Variants in ETFBKMT observed in about 807,000 individuals in gnomAD.
ETFBKMT encodes the protein electron transfer flavoprotein beta subunit lysine methyltransferase.
A neutral mutation model predicts 18.3 loss-of-function variants in ETFBKMT; 13 were observed. The observed-to-expected ratio is 0.71, with a 90% confidence interval of 0.46 to 1.13. The LOEUF (loss-of-function observed/expected upper bound fraction) is 1.13, where lower values mean the gene tolerates loss of function less well. Among genes scored for constraint, ETFBKMT ranks in the 50% most tolerant of loss-of-function variants. The pLI, the probability that ETFBKMT is intolerant of heterozygous loss-of-function variation, is 0.00. For missense variants in ETFBKMT, 293 were observed against 306.2 expected (o/e 0.96, Z 0.32); for synonymous variants, 84 against 107.9 (o/e 0.78, Z 1.37).
At chr12:31,662,356 G>C in intron 2 of ETFBKMT, 89 bp downstream of exon 2, 1 of 1,249,848 alleles carries the variant, frequency 8.0e-7, no homozygotes, top group Non-Finnish European at 1.1e-6. Context: ...AGCAATGCTA[G>C]GCGTGGTGGC....
chr12:31,670,040 CAG>C lies in ETFBKMT; in HGVS notation c.*2051_*2052del, dbSNP rs1951247888. ...CTAATTTTTGTATTTTTAGTAAAGA[CAG>C]GGCTTCGCCATGTTGGCCAGGCTGG... On this transcript the variant is annotated 3_prime_UTR_variant, in exon 4 of 4. Coordinates refer to ENST00000357721, the MANE Select transcript of ETFBKMT (RefSeq NM_001135863.2). 6.6e-6 allele frequency: 1 copy of C among 152,344 alleles called. No homozygotes were observed. The highest frequency in any genetic ancestry group is 6.6e-5 in the Admixed American group (1 of 15,260). 9.4% of individuals were successfully genotyped at this position (152,344 alleles called of 1,614,324 possible).
intron 1 of ETFBKMT, among the ~76,000 whole-genome samples, chr12:31,653,643 C>A (rs1433568523): frequency 6.6e-6 from 1 of 152,212 alleles, no homozygotes; most frequent in Non-Finnish European, 1.5e-5. Flanking sequence ...AAACTACAAA[C>A]TTCCTTCAAA....
chr12:31,666,306 C>A, intron 3 of ETFBKMT, 89 bp downstream of exon 3: 3 of 1,336,630 alleles, frequency 2.2e-6, no homozygotes, highest in South Asian at 1.4e-5. Flanking sequence ...GGTAGCTTAT[C>A]GTTATATGTA....
At chr12:31,654,329 C>A (rs1951042239), upstream of ETFBKMT, among the ~76,000 whole-genome samples, 1 of 152,206 alleles carries the variant, frequency 6.6e-6, no homozygotes, top group African/African-American at 2.4e-5. Flanking sequence ...GGATTACAGG[C>A]ATGAGCCATG....
chr12:31,658,400 T>C (rs1199369878), upstream of ETFBKMT, among the ~76,000 whole-genome samples: 3 of 152,182 alleles, frequency 2.0e-5, no homozygotes, highest in East Asian at 1.9e-4. Flanking sequence ...GTATAGCTTA[T>C]CAACAAGAAT....
chr12:31,662,056 C>A lies in ETFBKMT; in HGVS notation c.103C>A (p.Pro35Thr), dbSNP rs747227742. 12 of 1,614,164 alleles carry A rather than the reference C, an allele frequency of 7.4e-6. No homozygotes were observed. In the South Asian group the frequency reaches 1.3e-4, roughly 18 times the overall value. The part of the protein sequence containing the change: ...GLLLFPCGQC[P>T]WRGAGSFLDP... ...TCTCTTGTTTCCCTGTGGCCAGTGT[C>A]CCTGGAGAGGAGCTGGAAGCTTTTT... Residue 35 changes from proline to threonine, a missense_variant, in exon 2 of 4, where the codon CCC becomes ACC. By Grantham distance (38) the Pro-to-Thr change is conservative. Coordinates refer to ENST00000357721, the MANE Select transcript of ETFBKMT (RefSeq NM_001135863.2).
chr12:31,663,399 T>C (rs1951153837), intron 2 of ETFBKMT, among the ~76,000 whole-genome samples: 1 of 152,110 alleles, frequency 6.6e-6, no homozygotes, highest in Non-Finnish European at 1.5e-5. Context: ...CTTAATTTTG[T>C]ATTTTTAGTA....
intron 2 of ETFBKMT, among the ~76,000 whole-genome samples, chr12:31,664,940 T>C (rs1003442960): frequency 9.3e-5 from 10 of 107,074 alleles, no homozygotes; most frequent in African/African-American, 2.7e-4. Flanking sequence ...TCTTTCTTTC[T>C]TTTTTTTTTT....
At chr12:31,666,284 C>T (rs1423291078) in intron 3 of ETFBKMT, 67 bp downstream of exon 3, 1 of 1,490,904 alleles carries the variant, frequency 6.7e-7, no homozygotes, top group African/African-American at 1.4e-5. Flanking sequence ...AATATGTACA[C>T]ATGCTCAGTG....
intron 1 of ETFBKMT, among the ~76,000 whole-genome samples, chr12:31,651,851 A>C (rs928667343): frequency 6.6e-6 from 1 of 152,152 alleles, no homozygotes; most frequent in Admixed American, 6.5e-5. Context: ...AGCAGCCCCA[A>C]ATCATTTTCT....
intron 2 of ETFBKMT, among the ~76,000 whole-genome samples, chr12:31,663,481 C>T (rs1951155001): frequency 6.6e-6 from 1 of 152,188 alleles, no homozygotes; most frequent in South Asian, 2.1e-4. Flanking sequence ...CAGCCTCGGC[C>T]TCCCAAAGTG....
intron 2 of ETFBKMT, among the ~76,000 whole-genome samples, chr12:31,664,939 C>CTTTTTT (rs57572915): frequency 1.6e-5 from 2 of 121,492 alleles, no homozygotes; most frequent in Admixed American, 8.5e-5. Flanking sequence ...TTCTTTCTTT[C>CTTTTTT]TTTTTTTTTT....
upstream of ETFBKMT, among the ~76,000 whole-genome samples, chr12:31,655,530 A>G (rs1951054782): frequency 6.6e-6 from 1 of 152,222 alleles, no homozygotes; most frequent in Non-Finnish European, 1.5e-5. Flanking sequence ...TATAAGCCTT[A>G]TCTTCCCAAG....
upstream of ETFBKMT, chr12:31,659,233 C>T (rs2139616644): frequency 6.6e-6 from 1 of 152,374 alleles, no homozygotes; most frequent in Admixed American, 6.5e-5. Context: ...GGCCGCGGCG[C>T]TCTGCTAGAG....
At chr12:31,666,267 TG>T in intron 3 of ETFBKMT, 50 bp downstream of exon 3, 1 of 1,567,100 alleles carries the variant, frequency 6.4e-7, no homozygotes, top group South Asian at 1.2e-5. Flanking sequence ...TTTTTTTCTC[TG>T]GGATAAATAT....
upstream of ETFBKMT, among the ~76,000 whole-genome samples, chr12:31,654,979 C>T (rs1951048091): frequency 6.6e-6 from 1 of 151,740 alleles, no homozygotes; most frequent in Non-Finnish European, 1.5e-5. Context: ...TTGCTTGAAC[C>T]CGGGAGGAGA....
upstream of ETFBKMT, among the ~76,000 whole-genome samples, chr12:31,655,404 T>A (rs1951053471): frequency 6.6e-6 from 1 of 152,156 alleles, no homozygotes; most frequent in South Asian, 2.1e-4. Flanking sequence ...TCAAGGTGTA[T>A]AATAAATCCT....
intron 1 of ETFBKMT, among the ~76,000 whole-genome samples, chr12:31,652,114 G>A (rs553148306): frequency 6.6e-6 from 1 of 152,284 alleles, no homozygotes; most frequent in Admixed American, 6.5e-5. Context: ...CGTCATACCT[G>A]ATCAAACCAA....
intron 2 of ETFBKMT, among the ~76,000 whole-genome samples, chr12:31,664,342 A>G (rs1166042917): frequency 1.3e-5 from 2 of 152,124 alleles, no homozygotes; most frequent in Non-Finnish European, 2.9e-5. Flanking sequence ...TCTATGATGG[A>G]GTCAAGAGGA....
Sources: gnomAD v4.1 joint callset for allele counts (sites outside exome capture counted in the v4.1 genomes callset) on GRCh38, gnomAD v4.1.1 for gene constraint, MANE v1.5 for transcripts, NCBI Gene and HGNC (gene_info 2026-07-23, HGNC 2026-07-21) for gene names.